Variants in PGGT1B observed in about 807,000 individuals in gnomAD.
The protein encoded by PGGT1B is geranylgeranyl transferase type-1 subunit beta.
A neutral mutation model predicts 46.1 loss-of-function variants in PGGT1B; 30 were observed. That is an observed-to-expected ratio of 0.65 (90% confidence interval 0.49 to 0.88). PGGT1B has a LOEUF of 0.88. Ranked by LOEUF, PGGT1B falls within the 40% of genes least tolerant of loss-of-function variation. PGGT1B has a pLI of 0.00. For missense variants in PGGT1B, 376 were observed against 455.9 expected (o/e 0.82, Z 1.60); for synonymous variants, 170 against 160.0 (o/e 1.06, Z -0.47).
At chr5:115,252,860 CA>C (rs1245207138) in intron 2 of PGGT1B, 2 of 302,328 alleles carry the variant, frequency 6.6e-6, no homozygotes, top group African/African-American at 4.5e-5. Flanking sequence ...TATAAATAAT[CA>C]ACAAGTAGTC....
intron 2 of PGGT1B, among the ~76,000 whole-genome samples, chr5:115,249,089 T>C (rs1160684097): frequency 6.6e-6 from 1 of 152,124 alleles, no homozygotes; most frequent in Non-Finnish European, 1.5e-5. Flanking sequence ...AATTCAGATA[T>C]ATAGAAAAAC....
rs148159290 is a variant in PGGT1B at position 115,255,755 on chromosome 5, T to C, written c.141-2500A>G. Among the ~76,000 whole-genome samples, 571 of 152,238 alleles carry C rather than the reference T, an allele frequency of 3.8e-3. 1 individual carries two copies. The highest frequency in any genetic ancestry group is 0.014 in the Middle Eastern group (4 of 292). On this transcript the variant is annotated intron_variant, in intron 1 of 8. Coordinates refer to ENST00000419445, the MANE Select transcript of PGGT1B (RefSeq NM_005023.4). ...ATTAAGAAATTTAGAAATGATCTAG[T>C]CCATCTCTTTGATTTTCTAACTGAA... is the stretch of plus-strand genomic sequence containing the variant.
intron 6 of PGGT1B, among the ~76,000 whole-genome samples, chr5:115,230,744 T>C (rs547400963): frequency 1.3e-5 from 2 of 152,218 alleles, no homozygotes; most frequent in South Asian, 4.1e-4. Context: ...AATAGATTAC[T>C]AGAAAACATC....
At chr5:115,219,445 A>C (rs1419624478) in intron 7 of PGGT1B, among the ~76,000 whole-genome samples, 1 of 151,852 alleles carries the variant, frequency 6.6e-6, no homozygotes, top group Non-Finnish European at 1.5e-5. Flanking sequence ...AAAATAATTA[A>C]CTCAAAATTG....
rs1580735621 is a variant in PGGT1B, at chr5:115,207,280, T to C, written c.*5122A>G. 6.7e-6 allele frequency: 1 copy of C among 148,430 alleles called. No individual in the cohort carries two copies. Among genetic ancestry groups the C allele is most frequent in the South Asian group, 2.1e-4 (1 of 4,716 alleles). The allele number at this position is 148,430 out of a possible 1,614,324, so 9.2% of individuals were successfully genotyped here. ...CATACAGAAAAGTGCACAAATCATA[T>C]ACAGCTTGATAAATATTCATAAGGT... is the stretch of plus-strand genomic sequence containing the variant. On this transcript the variant is annotated 3_prime_UTR_variant, in exon 9 of 9. Coordinates refer to ENST00000419445, the MANE Select transcript of PGGT1B (RefSeq NM_005023.4).
chr5:115,235,890 A>G (rs1177895223), intron 5 of PGGT1B, among the ~76,000 whole-genome samples: 2 of 152,158 alleles, frequency 1.3e-5, no homozygotes, highest in Non-Finnish European at 2.9e-5. Flanking sequence ...GAAAAACTTC[A>G]TATTTGGGAA....
intron 1 of PGGT1B, among the ~76,000 whole-genome samples, chr5:115,258,365 CAT>C (rs1197276030): frequency 6.6e-6 from 1 of 152,240 alleles, no homozygotes; most frequent in Non-Finnish European, 1.5e-5. Context: ...TGGACTACCA[CAT>C]GAGTGTCCTC....
At chr5:115,223,741 G>A (rs1282241918) in intron 6 of PGGT1B, among the ~76,000 whole-genome samples, 2 of 152,220 alleles carry the variant, frequency 1.3e-5, no homozygotes, top group South Asian at 4.1e-4. Context: ...ACTCACAAAG[G>A]TACTTTCCTC....
chr5:115,257,137 A>T (rs1395463886), intron 1 of PGGT1B, among the ~76,000 whole-genome samples: 1 of 152,138 alleles, frequency 6.6e-6, no homozygotes, highest in Non-Finnish European at 1.5e-5. Flanking sequence ...ATCAATTCAC[A>T]GACAAGAGGG....
chr5:115,211,598 C>CAAAAAAAAA lies in PGGT1B; in HGVS notation c.*795_*803dup, dbSNP rs34207751. On this transcript the variant is annotated 3_prime_UTR_variant, in exon 9 of 9. Transcript: ENST00000419445. The stretch of plus-strand genomic sequence containing the variant: ...AAAAGATTGTTTTCTTCCTAGAAAG[C>CAAAAAAAAA]AAAAAAAAAAAAAAAAAAAAAAAGG... 146 of 72,736 alleles carry CAAAAAAAAA rather than the reference C, an allele frequency of 2.0e-3. No individual in the cohort carries two copies. Among genetic ancestry groups the CAAAAAAAAA allele is most frequent in the Non-Finnish European group, 2.8e-3 (109 of 38,584 alleles). The allele number at this position is 72,736 out of a possible 1,614,324, so 4.5% of individuals were successfully genotyped here. A position where few individuals can be genotyped will look rare whatever the true frequency, so the allele number is the denominator to read the frequency against.
intron 7 of PGGT1B, among the ~76,000 whole-genome samples, chr5:115,219,059 C>T (rs1323951894): frequency 6.6e-6 from 1 of 151,818 alleles, no homozygotes; most frequent in Non-Finnish European, 1.5e-5. Flanking sequence ...ATGCAATTCC[C>T]ATCAAAATTT....
chr5:115,262,626 G>T, intron 1 of PGGT1B, 86 bp downstream of exon 1: 1 of 1,457,610 alleles, frequency 6.9e-7, no homozygotes, highest in Non-Finnish European at 9.3e-7. Flanking sequence ...CCCCCTTCCG[G>T]CGCCCAGTTT....
intron 2 of PGGT1B, among the ~76,000 whole-genome samples, chr5:115,250,669 T>A (rs895423184): frequency 6.6e-6 from 1 of 152,114 alleles, no homozygotes; most frequent in African/African-American, 2.4e-5. Context: ...CCCTGAAGTA[T>A]AATAAACATC....
At chr5:115,228,745 C>G (rs265435) in intron 6 of PGGT1B, among the ~76,000 whole-genome samples, 107,118 of 151,992 alleles carry the variant, frequency 0.7, 38,536 homozygotes, top group African/African-American at 0.86. Context: ...GGAACCAGAA[C>G]TAATTCATGA....
At chr5:115,249,715 A>G (rs1748007287) in intron 2 of PGGT1B, among the ~76,000 whole-genome samples, 1 of 152,204 alleles carries the variant, frequency 6.6e-6, no homozygotes, top group Non-Finnish European at 1.5e-5. Context: ...TAGAAGGCAA[A>G]AAATTGAACA....
At chr5:115,234,759 G>A (rs1302996374) in intron 5 of PGGT1B, among the ~76,000 whole-genome samples, 2 of 151,966 alleles carry the variant, frequency 1.3e-5, no homozygotes, top group African/African-American at 4.8e-5. Flanking sequence ...AGTCATAAAT[G>A]AAAGGACGAA....
At chr5:115,236,635 A>C (rs1472514839) in intron 4 of PGGT1B, 113 bp from the exon 5 acceptor site, 2 of 568,490 alleles carry the variant, frequency 3.5e-6, no homozygotes, top group Non-Finnish European at 3.0e-6. Flanking sequence ...TCTGTTGATT[A>C]TTCTACTTTT....
At chr5:115,221,311 A>T (rs971664437) in intron 7 of PGGT1B, among the ~76,000 whole-genome samples, 28 of 152,000 alleles carry the variant, frequency 1.8e-4, no homozygotes, top group Admixed American at 1.7e-3. Flanking sequence ...AGGTATATTA[A>T]AAGGTAGTAG....
intron 7 of PGGT1B, among the ~76,000 whole-genome samples, chr5:115,220,678 A>G (rs1756561532): frequency 6.6e-6 from 1 of 151,970 alleles, no homozygotes; most frequent in South Asian, 2.1e-4. Flanking sequence ...TCTTGATGTG[A>G]TACAATAGGA....
Sources: gnomAD v4.1 joint callset for allele counts (sites outside exome capture counted in the v4.1 genomes callset) on GRCh38, gnomAD v4.1.1 for gene constraint, MANE v1.5 for transcripts, NCBI Gene and HGNC (gene_info 2026-07-23, HGNC 2026-07-21) for gene names.